The following CREB5 variants were observed in gnomAD, a reference collection of about 807,000 sequenced individuals.
CREB5 encodes cAMP responsive element binding protein 5.
CREB5 carries 19 observed loss-of-function variants against 57.1 expected under a neutral mutation model. The observed-to-expected ratio is 0.33, with a 90% CI of 0.23 to 0.49. CREB5 has a LOEUF of 0.49. Among genes scored for constraint, CREB5 ranks in the 20% least tolerant of loss-of-function variants. CREB5 has a pLI of 0.99. For synonymous variants in CREB5, 238 were observed against 238.3 expected (o/e 1.00, Z 0.01); for missense variants, 579 against 671.6 (o/e 0.86, Z 1.52).
chr7:28,585,509 T>C (rs1398274432), intron 5 of CREB5, among the ~76,000 whole-genome samples: 1 of 152,208 alleles, frequency 6.6e-6, no homozygotes, highest in Non-Finnish European at 1.5e-5. Context: ...ATCAGAGTTT[T>C]AACTGCTGTG....
At chr7:28,477,465 A>T (rs983793053) in intron 1 of CREB5, among the ~76,000 whole-genome samples, 3 of 152,074 alleles carry the variant, frequency 2.0e-5, no homozygotes, top group African/African-American at 7.2e-5. Context: ...AAGGGCTCCT[A>T]GGTTTGGGAT....
At chr7:28,413,702 T>C (rs953305559) in intron 1 of CREB5, among the ~76,000 whole-genome samples, 4 of 152,172 alleles carry the variant, frequency 2.6e-5, no homozygotes, top group Non-Finnish European at 5.9e-5. Context: ...CAACAAAAAA[T>C]TGGAAACCAT....
chr7:28,348,965 T>A (rs1046395832), intron 1 of CREB5, among the ~76,000 whole-genome samples: 1 of 152,186 alleles, frequency 6.6e-6, no homozygotes, highest in Non-Finnish European at 1.5e-5. Context: ...TAAATGATAG[T>A]ATTAGTGCTG....
intron 1 of CREB5, among the ~76,000 whole-genome samples, chr7:28,394,692 A>G (rs1787302160): frequency 1.3e-5 from 2 of 152,112 alleles, no homozygotes; most frequent in African/African-American, 4.8e-5. Context: ...AATTTCCCCT[A>G]CATTTGACAG....
At chr7:28,581,889 C>T (rs1354206877) in intron 5 of CREB5, among the ~76,000 whole-genome samples, 1 of 152,214 alleles carries the variant, frequency 6.6e-6, no homozygotes, top group Admixed American at 6.5e-5. Context: ...TGCACACCTT[C>T]TCACAGATGT....
intron 1 of CREB5, among the ~76,000 whole-genome samples, chr7:28,352,397 A>C (rs1258678278): frequency 2.0e-5 from 3 of 152,208 alleles, no homozygotes; most frequent in Non-Finnish European, 4.4e-5. Flanking sequence ...GGAGTGTATT[A>C]CCTAAGATAT....
chr7:28,413,192 G>A (rs897363959), intron 1 of CREB5, among the ~76,000 whole-genome samples: 1 of 151,664 alleles, frequency 6.6e-6, no homozygotes, highest in Middle Eastern at 3.2e-3. Context: ...GGGAAGCTAT[G>A]GAGCATGTTA....
At chr7:28,433,137 T>C (rs1788798837) in intron 1 of CREB5, among the ~76,000 whole-genome samples, 2 of 152,246 alleles carry the variant, frequency 1.3e-5, no homozygotes, top group Admixed American at 6.5e-5. Context: ...ATAAGCCATC[T>C]TGCACATAAC....
At chr7:28,571,408 G>C (rs563352032) in intron 5 of CREB5, among the ~76,000 whole-genome samples, 1 of 152,004 alleles carries the variant, frequency 6.6e-6, no homozygotes, top group African/African-American at 2.4e-5. Flanking sequence ...TCCTGTTACT[G>C]CCTCCTTATT....
At chr7:28,584,175 TC>T (rs1796227957) in intron 5 of CREB5, among the ~76,000 whole-genome samples, 1 of 152,098 alleles carries the variant, frequency 6.6e-6, no homozygotes, top group Admixed American at 6.5e-5. Flanking sequence ...CCTGGGACAG[TC>T]CTTTACTTCT....
At chr7:28,642,877 T>A (rs1221791217) in intron 5 of CREB5, among the ~76,000 whole-genome samples, 1 of 151,902 alleles carries the variant, frequency 6.6e-6, no homozygotes, top group African/African-American at 2.4e-5. Context: ...AACACAAGCA[T>A]GCTAAACCTT....
chr7:28,426,356 C>G (rs563459580), intron 1 of CREB5, among the ~76,000 whole-genome samples: 78 of 152,320 alleles, frequency 5.1e-4, no homozygotes, highest in Non-Finnish European at 9.7e-4. Flanking sequence ...ATTCTAGCTA[C>G]CAAGAATTGC....
chr7:28,433,049 A>G (rs184479828), intron 1 of CREB5, among the ~76,000 whole-genome samples: 2 of 152,300 alleles, frequency 1.3e-5, no homozygotes, highest in East Asian at 3.9e-4. Context: ...TGTTTGTTAT[A>G]ATGTACTTAA....
intron 5 of CREB5, among the ~76,000 whole-genome samples, chr7:28,575,096 A>G (rs1349136492): frequency 6.6e-6 from 1 of 152,220 alleles, no homozygotes; most frequent in Non-Finnish European, 1.5e-5. Context: ...TTGCAATCCC[A>G]GATGCTATGT....
intron 1 of CREB5, among the ~76,000 whole-genome samples, chr7:28,304,792 A>G (rs1413793911): frequency 6.6e-6 from 1 of 152,220 alleles, no homozygotes; most frequent in Admixed American, 6.5e-5. Flanking sequence ...TCCATGATAG[A>G]CTATTAAGTG....
chr7:28,365,854 T>G (rs866652144), intron 1 of CREB5, among the ~76,000 whole-genome samples: 10 of 152,228 alleles, frequency 6.6e-5, no homozygotes, highest in South Asian at 2.1e-4. Flanking sequence ...ATAGCACCTA[T>G]AAAAATTTTG....
intron 5 of CREB5, among the ~76,000 whole-genome samples, chr7:28,605,641 A>G (rs1797100861): frequency 6.6e-6 from 1 of 152,174 alleles, no homozygotes; most frequent in African/African-American, 2.4e-5. Context: ...AACTTTCTCA[A>G]AAATGGCACT....
In CREB5 at chr7:28,714,654, A is replaced by G. The variant is rs142800171; in HGVS notation, c.465-4099A>G. On this transcript the variant is annotated intron_variant, in intron 5 of 10. Coordinates refer to ENST00000357727, the MANE Select transcript of CREB5 (RefSeq NM_182898.4). ...CCTATCATTCTGTTAAGGACAGTGA[A>G]AACACAGTCTGTCATCCTTGACATT... 3.3e-5 allele frequency among the ~76,000 whole-genome samples: 5 copies of G among 152,348 alleles called. 1 individual carries two copies. Among genetic ancestry groups the G allele is most frequent in the African/African-American group, 1.2e-4 (5 of 41,576 alleles).
rs61736228 is a variant in CREB5 at position 28,819,163 on chromosome 7, C to A, written c.1411C>A (p.Gln471Lys). ...TAGTCCTGTCCCAGCTTGCTCCCAG[C>A]AACAAGTCATCCAGCATAATACCAT... ...PASPVPACSQ[Q>K]QVIQHNTITT... The change falls in exon 11 of 11, where the codon CAA becomes AAA. Residue 471 changes from glutamine (Q) to lysine (K), a missense_variant. Coordinates refer to ENST00000357727, the MANE Select transcript of CREB5 (RefSeq NM_182898.4). 2 of 1,613,676 alleles carry A rather than the reference C, an allele frequency of 1.2e-6. No individual in the cohort carries two copies. Among genetic ancestry groups the A allele is most frequent in the Admixed American group, 3.3e-5 (2 of 59,964 alleles).
Sources: gnomAD v4.1 joint callset for allele counts (sites outside exome capture counted in the v4.1 genomes callset) on GRCh38, gnomAD v4.1.1 for gene constraint, MANE v1.5 for transcripts, NCBI Gene and HGNC (gene_info 2026-07-23, HGNC 2026-07-21) for gene names.